MCC: variants seen among roughly 807,000 people sequenced by gnomAD.
MCC encodes the protein MCC regulator of Wnt signaling pathway, also known as colorectal mutant cancer protein.
A neutral mutation model predicts 116.2 loss-of-function variants in MCC; 90 were observed. That is an observed-to-expected ratio of 0.77 (90% CI 0.65 to 0.92). The LOEUF (loss-of-function observed/expected upper bound fraction) is 0.92. Ranked by LOEUF, MCC falls within the 40% of genes least tolerant of loss-of-function variation. The pLI is 0.00. For synonymous variants in MCC, 578 were observed against 510.5 expected, an observed-to-expected ratio of 1.13 and a Z score of -1.78; for missense variants, 1,516 against 1,312.2, an observed-to-expected ratio of 1.16 and a Z score of -2.40.
chr5:113,167,848 C>T (rs113498825), intron 3 of MCC, among the ~76,000 whole-genome samples: 3,048 of 152,140 alleles, frequency 0.02, 103 homozygotes, highest in African/African-American at 0.07. Context: ...CAGACTGGTC[C>T]TGAACTCCTA....
chr5:113,233,383 A>C (rs1764009383), intron 3 of MCC, among the ~76,000 whole-genome samples: 1 of 152,218 alleles, frequency 6.6e-6, no homozygotes, highest in South Asian at 2.1e-4. Context: ...AATGCCTCTC[A>C]ATGTCTCAGA....
chr5:113,282,947 T>G (rs1427735454), intron 3 of MCC, among the ~76,000 whole-genome samples: 3 of 152,214 alleles, frequency 2.0e-5, no homozygotes, highest in Admixed American at 6.5e-5. Context: ...CACATGTTGG[T>G]GGAAAACTGT....
At chr5:113,331,729 G>C (rs1244166112) in intron 3 of MCC, among the ~76,000 whole-genome samples, 1 of 151,354 alleles carries the variant, frequency 6.6e-6, no homozygotes, top group African/African-American at 2.5e-5. Flanking sequence ...TCTGCCTCCT[G>C]GGTTCAAGCG....
intron 1 of MCC, chr5:113,448,122 A>G (rs796190354): frequency 3.9e-5 from 6 of 152,368 alleles, no homozygotes; most frequent in African/African-American, 1.4e-4. Context: ...AAATCTCACA[A>G]TAGGATTTTT....
chr5:113,323,353 A>G (rs1767472661), intron 3 of MCC: 1 of 152,274 alleles, frequency 6.6e-6, no homozygotes, highest in Admixed American at 6.5e-5. Context: ...ACTAATACAG[A>G]AGAGAGGTGG....
At chr5:113,110,509 T>A (rs1255889408) in intron 6 of MCC, among the ~76,000 whole-genome samples, 1 of 152,254 alleles carries the variant, frequency 6.6e-6, no homozygotes, top group Non-Finnish European at 1.5e-5. Context: ...GATGCCAGTC[T>A]CCTCAGCCAG....
intron 3 of MCC, among the ~76,000 whole-genome samples, chr5:113,170,516 C>T (rs1264002294): frequency 6.6e-6 from 1 of 151,976 alleles, no homozygotes; most frequent in Non-Finnish European, 1.5e-5. Context: ...CACCCATGTC[C>T]CTATCTGCTT....
At chr5:113,196,623 G>T (rs957521741) in intron 3 of MCC, among the ~76,000 whole-genome samples, 1 of 152,180 alleles carries the variant, frequency 6.6e-6, no homozygotes, top group Non-Finnish European at 1.5e-5. Context: ...GGCCAAGGTG[G>T]GAGATAATGA....
At chr5:113,050,767 A>C (rs1752431638) in intron 15 of MCC, among the ~76,000 whole-genome samples, 1 of 152,202 alleles carries the variant, frequency 6.6e-6, no homozygotes, top group Non-Finnish European at 1.5e-5. Flanking sequence ...AGAAATGAAG[A>C]GGGAACTCTG....
chr5:113,182,886 C>T (rs1019237582), intron 3 of MCC, among the ~76,000 whole-genome samples: 1 of 152,158 alleles, frequency 6.6e-6, no homozygotes, highest in Non-Finnish European at 1.5e-5. Context: ...AGGCTTGTGA[C>T]GAGGCCATAG....
intron 1 of MCC, among the ~76,000 whole-genome samples, chr5:113,397,556 G>A (rs1282463757): frequency 6.6e-6 from 1 of 152,048 alleles, no homozygotes; most frequent in Non-Finnish European, 1.5e-5. Context: ...CAAGCCTAAT[G>A]GAATATTGAA....
intron 2 of MCC, among the ~76,000 whole-genome samples, chr5:113,367,629 T>TCG (rs1554079169): frequency 2.0e-5 from 1 of 51,176 alleles, no homozygotes; most frequent in African/African-American, 7.0e-5. Flanking sequence ...AGGCAGAGGG[T>TCG]GGGGGGGGGG....
At chr5:113,196,289 G>T (rs990079850) in intron 3 of MCC, among the ~76,000 whole-genome samples, 1 of 152,210 alleles carries the variant, frequency 6.6e-6, no homozygotes, top group East Asian at 1.9e-4. Flanking sequence ...CTCATGACCT[G>T]GGTCACAGTC....
intron 11 of MCC, among the ~76,000 whole-genome samples, chr5:113,079,580 G>C (rs1449254978): frequency 6.6e-6 from 1 of 152,206 alleles, no homozygotes; most frequent in East Asian, 1.9e-4. Context: ...GTTAATAAAT[G>C]GTGCTGGGAA....
intron 3 of MCC, among the ~76,000 whole-genome samples, chr5:113,227,457 G>A (rs185989999): frequency 1.0e-3 from 157 of 152,190 alleles, no homozygotes; most frequent in Admixed American, 2.4e-3. Flanking sequence ...ATAGTAACTC[G>A]AATTATTTAC....
At chr5:113,035,985 A>G (rs993316822) in intron 17 of MCC, among the ~76,000 whole-genome samples, 5 of 142,292 alleles carry the variant, frequency 3.5e-5, no homozygotes, top group Non-Finnish European at 6.1e-5. Flanking sequence ...CAGTACTATC[A>G]TGATTCTCAT....
intron 17 of MCC, among the ~76,000 whole-genome samples, chr5:113,036,627 T>A (rs1751348528): frequency 6.6e-6 from 1 of 152,176 alleles, no homozygotes; most frequent in African/African-American, 2.4e-5. Context: ...GCCCAGACTT[T>A]GCTATGAACA....
intron 12 of MCC, among the ~76,000 whole-genome samples, chr5:113,068,789 T>C (rs1240057279): frequency 6.6e-6 from 1 of 152,194 alleles, no homozygotes; most frequent in Non-Finnish European, 1.5e-5. Flanking sequence ...GAGTGAGCCT[T>C]CTTAGAGCAG....
chr5:113,148,828 T>A (rs1759677296), intron 4 of MCC, among the ~76,000 whole-genome samples: 1 of 152,154 alleles, frequency 6.6e-6, no homozygotes, highest in Non-Finnish European at 1.5e-5. Context: ...TACATAAGAA[T>A]GCAAATAAGA....
Sources: allele counts gnomAD v4.1 joint callset (sites outside exome capture counted in the v4.1 genomes callset), GRCh38; gene constraint gnomAD v4.1.1; transcripts MANE v1.5; gene names NCBI Gene and HGNC (gene_info 2026-07-23, HGNC 2026-07-21).